GRID2: variants seen among roughly 807,000 people sequenced by gnomAD.
GRID2 encodes glutamate receptor ionotropic, delta-2.
A neutral mutation model predicts 114.8 loss-of-function variants in GRID2; 33 were observed. That is an observed-to-expected ratio of 0.29 (90% confidence interval 0.22 to 0.38). The LOEUF (loss-of-function observed/expected upper bound fraction) is 0.38. GRID2 is among the 10% of genes least tolerant of loss of function. GRID2 has a pLI of 1.00. For synonymous variants in GRID2, 505 were observed against 449.9 expected (o/e 1.12, Z -1.55); for missense variants, 1,184 against 1,257.7 (o/e 0.94, Z 0.89).
intron 12 of GRID2, among the ~76,000 whole-genome samples, chr4:93,508,001 A>G (rs1728793164): frequency 6.6e-6 from 1 of 152,014 alleles, no homozygotes; most frequent in Non-Finnish European, 1.5e-5. Flanking sequence ...CACACCGGAG[A>G]CTGCTGTGGG....
chr4:92,542,821 A>G (rs1246678205), intron 1 of GRID2, among the ~76,000 whole-genome samples: 1 of 152,124 alleles, frequency 6.6e-6, no homozygotes, highest in Non-Finnish European at 1.5e-5. Flanking sequence ...TAAATATTAA[A>G]TTATTAGTAA....
At chr4:92,909,934 T>C (rs929859855) in intron 2 of GRID2, among the ~76,000 whole-genome samples, 1 of 152,108 alleles carries the variant, frequency 6.6e-6, no homozygotes, top group Non-Finnish European at 1.5e-5. Context: ...ACTTAGACAC[T>C]TACTTTACCT....
At chr4:92,398,439 T>C (rs974232959) in intron 1 of GRID2, among the ~76,000 whole-genome samples, 2 of 152,128 alleles carry the variant, frequency 1.3e-5, no homozygotes, top group South Asian at 4.1e-4. Context: ...TAGCTGGGAC[T>C]ACAGGGGTAC....
intron 13 of GRID2, among the ~76,000 whole-genome samples, chr4:93,590,232 T>C (rs1293241779): frequency 3.3e-5 from 5 of 150,708 alleles, no homozygotes; most frequent in Admixed American, 3.3e-4. Flanking sequence ...GATTTTTGTA[T>C]AAGGCGTAAG....
At chr4:93,018,228 A>G (rs1036116505) in intron 2 of GRID2, among the ~76,000 whole-genome samples, 6 of 151,828 alleles carry the variant, frequency 4.0e-5, no homozygotes, top group Non-Finnish European at 5.9e-5. Context: ...TGTTGAAAAA[A>G]AAAAAAAAAA....
intron 10 of GRID2, among the ~76,000 whole-genome samples, chr4:93,443,263 A>T (rs1438109365): frequency 6.6e-6 from 1 of 151,976 alleles, no homozygotes; most frequent in East Asian, 1.9e-4. Flanking sequence ...AATTTACATA[A>T]TTCCCTATAA....
At chr4:92,799,787 A>G (rs1740067471) in intron 2 of GRID2, among the ~76,000 whole-genome samples, 2 of 151,998 alleles carry the variant, frequency 1.3e-5, no homozygotes, top group South Asian at 4.1e-4. Flanking sequence ...GGGGTTCACA[A>G]TCCTGCCCAT....
intron 1 of GRID2, among the ~76,000 whole-genome samples, chr4:92,520,231 T>C (rs1427238326): frequency 2.0e-5 from 3 of 151,908 alleles, no homozygotes; most frequent in Admixed American, 2.0e-4. Flanking sequence ...GAGTTCTTGA[T>C]TAATGTTTAC....
At chr4:93,330,875 G>C (rs1296223595) in intron 8 of GRID2, among the ~76,000 whole-genome samples, 5 of 152,012 alleles carry the variant, frequency 3.3e-5, no homozygotes, top group African/African-American at 1.2e-4. Flanking sequence ...ATCCAGACAA[G>C]GTAGTGATAG....
intron 2 of GRID2, among the ~76,000 whole-genome samples, chr4:92,887,000 T>G (rs2149464479): frequency 6.6e-6 from 1 of 152,352 alleles, no homozygotes; most frequent in African/African-American, 2.4e-5. Context: ...GCTTCCCTTT[T>G]ACAATTATCT....
At chr4:93,140,160 C>CTTTTTTTTTTTTT (rs10684978) in intron 4 of GRID2, among the ~76,000 whole-genome samples, 4 of 128,262 alleles carry the variant, frequency 3.1e-5, no homozygotes, top group Non-Finnish European at 4.8e-5. Flanking sequence ...CTTTTCTTTT[C>CTTTTTTTTTTTTT]TTTTTTTTTT....
chr4:92,689,955 G>A (rs1560534326), intron 2 of GRID2, among the ~76,000 whole-genome samples: 1 of 152,214 alleles, frequency 6.6e-6, no homozygotes. Flanking sequence ...AGGGACTGTT[G>A]TAACTGGTTT....
At chr4:92,745,532 G>A (rs1737110079) in intron 2 of GRID2, among the ~76,000 whole-genome samples, 1 of 152,084 alleles carries the variant, frequency 6.6e-6, no homozygotes, top group South Asian at 2.1e-4. Flanking sequence ...CTTTGATAAT[G>A]TCTAAATATT....
chr4:92,604,536 G>A (rs559404149), intron 2 of GRID2, among the ~76,000 whole-genome samples: 2 of 151,984 alleles, frequency 1.3e-5, no homozygotes, highest in South Asian at 2.1e-4. Flanking sequence ...ACTTTTGGGG[G>A]TTATGGAGAG....
intron 4 of GRID2, among the ~76,000 whole-genome samples, chr4:93,126,248 A>AT (rs1229841558): frequency 1.3e-5 from 2 of 152,000 alleles, no homozygotes; most frequent in Admixed American, 6.6e-5. Flanking sequence ...ATAATTTTTA[A>AT]TTTTTTTTCA....
chr4:93,086,470 A>G (rs375862624), intron 3 of GRID2, among the ~76,000 whole-genome samples: 1 of 152,126 alleles, frequency 6.6e-6, no homozygotes, highest in East Asian at 1.9e-4. Context: ...GCTCCTGTGG[A>G]CTCTCAGGGA....
At chr4:93,687,390 G>A (rs1032449825) in intron 14 of GRID2, among the ~76,000 whole-genome samples, 1 of 151,952 alleles carries the variant, frequency 6.6e-6, no homozygotes, top group Non-Finnish European at 1.5e-5. Context: ...TGGAGTTCTG[G>A]GGAGAGGTCC....
At chr4:92,910,956 T>C (rs527275258) in intron 2 of GRID2, among the ~76,000 whole-genome samples, 1 of 150,648 alleles carries the variant, frequency 6.6e-6, no homozygotes, top group East Asian at 2.0e-4. Flanking sequence ...CAACTCCATA[T>C]GTTTTACGAA....
intron 10 of GRID2, among the ~76,000 whole-genome samples, chr4:93,438,735 A>G (rs7667836): frequency 0.69 from 104,762 of 151,618 alleles, 36,707 homozygotes; most frequent in African/African-American, 0.81. Context: ...ACAATGTGCA[A>G]GTTTGTTACA....
Sources: gnomAD v4.1 joint callset for allele counts (sites outside exome capture counted in the v4.1 genomes callset) on GRCh38, gnomAD v4.1.1 for gene constraint, MANE v1.5 for transcripts, NCBI Gene and HGNC (gene_info 2026-07-23, HGNC 2026-07-21) for gene names.